Variants in METTL15 observed in about 807,000 individuals in gnomAD.
METTL15 encodes methyltransferase 15, mitochondrial 12S rRNA N4-cytidine.
In METTL15, 34 loss-of-function variants were observed where a neutral mutation model predicts 38.3. The ratio of observed to expected loss-of-function variants is 0.89; its 90% CI spans 0.68 to 1.18. The LOEUF is 1.18. METTL15 is among the 50% of genes most tolerant of loss of function. METTL15 has a pLI of 0.00. For synonymous variants in METTL15, 162 were observed against 170.9 expected, an observed-to-expected ratio of 0.95 and a Z score of 0.41; for missense variants, 438 against 498.4, an observed-to-expected ratio of 0.88 and a Z score of 1.15.
intron 4 of METTL15, among the ~76,000 whole-genome samples, chr11:28,222,510 CG>C (rs1565180653): frequency 9.9e-5 from 15 of 152,190 alleles, no homozygotes; most frequent in Admixed American, 2.0e-4. Flanking sequence ...TGGGGTGAGG[CG>C]ATGCCTCGCC....
intron 6 of METTL15, among the ~76,000 whole-genome samples, chr11:28,446,418 A>C (rs1408587448): frequency 6.6e-6 from 1 of 152,116 alleles, no homozygotes; most frequent in African/African-American, 2.4e-5. Flanking sequence ...CAAGGAGCAG[A>C]TCTTACAAGT....
At chr11:28,191,679 C>T (rs985582477) in intron 3 of METTL15, among the ~76,000 whole-genome samples, 2 of 151,324 alleles carry the variant, frequency 1.3e-5, no homozygotes, top group Non-Finnish European at 3.0e-5. Flanking sequence ...GTTCTTTTGG[C>T]ACGGAAATAT....
intron 6 of METTL15, among the ~76,000 whole-genome samples, chr11:28,457,538 T>C (rs886485028): frequency 6.6e-6 from 1 of 152,154 alleles, no homozygotes; most frequent in Non-Finnish European, 1.5e-5. Flanking sequence ...CTGCCCCCTT[T>C]TAAGTGAGGA....
intron 3 of METTL15, among the ~76,000 whole-genome samples, chr11:28,133,070 A>G (rs1849390297): frequency 6.6e-6 from 1 of 152,222 alleles, no homozygotes; most frequent in South Asian, 2.1e-4. Flanking sequence ...TGTCATAAAG[A>G]ACAATATCCT....
chr11:28,392,329 C>A (rs1303340285), intron 5 of METTL15, among the ~76,000 whole-genome samples: 1 of 151,934 alleles, frequency 6.6e-6, no homozygotes, highest in Admixed American at 6.6e-5. Context: ...CTCCTGATTT[C>A]AAAACAAGTT....
At chr11:28,253,130 C>A (rs1458047243) in intron 4 of METTL15, among the ~76,000 whole-genome samples, 1 of 152,098 alleles carries the variant, frequency 6.6e-6, no homozygotes, top group Non-Finnish European at 1.5e-5. Flanking sequence ...TTTATATCCC[C>A]AGCCCTAACC....
chr11:28,378,987 G>A (rs1850353186), intron 5 of METTL15, among the ~76,000 whole-genome samples: 1 of 151,504 alleles, frequency 6.6e-6, no homozygotes, highest in Admixed American at 6.6e-5. Context: ...ATTTTTCCTA[G>A]GTTTTCTAAT....
At chr11:28,264,840 C>T (rs998068314) in intron 4 of METTL15, among the ~76,000 whole-genome samples, 1 of 152,018 alleles carries the variant, frequency 6.6e-6, no homozygotes, top group Non-Finnish European at 1.5e-5. Context: ...GTTACTTTGG[C>T]CATATGATCA....
chr11:28,120,565 T>C (rs975525015), intron 3 of METTL15, among the ~76,000 whole-genome samples: 1 of 152,172 alleles, frequency 6.6e-6, no homozygotes, highest in Non-Finnish European at 1.5e-5. Context: ...TTTTAGTATT[T>C]GCAAATTTCC....
At chr11:28,431,751 G>A (rs1476009984) in intron 6 of METTL15, among the ~76,000 whole-genome samples, 33 of 82,352 alleles carry the variant, frequency 4.0e-4, no homozygotes, top group Non-Finnish European at 7.2e-4. Context: ...ATCCCCCTCT[G>A]TGAGAAACAC....
At chr11:28,377,295 A>T (rs1430801284) in intron 5 of METTL15, among the ~76,000 whole-genome samples, 3 of 151,662 alleles carry the variant, frequency 2.0e-5, no homozygotes, top group Admixed American at 2.0e-4. Flanking sequence ...TTTCAGGTAC[A>T]CCAATCAGAC....
intron 6 of METTL15, among the ~76,000 whole-genome samples, chr11:28,512,760 C>T (rs537492561): frequency 1.1e-4 from 17 of 152,232 alleles, no homozygotes; most frequent in Admixed American, 7.8e-4. Flanking sequence ...CAGCCTTGGC[C>T]AGCCCAGAAA....
intron 4 of METTL15, among the ~76,000 whole-genome samples, chr11:28,266,856 G>A (rs1231280707): frequency 6.6e-6 from 1 of 152,146 alleles, no homozygotes; most frequent in Non-Finnish European, 1.5e-5. Context: ...AGTGGTAACT[G>A]TTTTACAAAG....
chr11:28,167,661 A>G (rs1850702903), intron 3 of METTL15, among the ~76,000 whole-genome samples: 1 of 151,876 alleles, frequency 6.6e-6, no homozygotes, highest in African/African-American at 2.4e-5. Context: ...GATGAGATGG[A>G]GTAGCATTTC....
chr11:28,230,105 G>A (rs1460089574), intron 4 of METTL15, among the ~76,000 whole-genome samples: 2 of 151,858 alleles, frequency 1.3e-5, no homozygotes, highest in Non-Finnish European at 2.9e-5. Context: ...AAAATCTTGA[G>A]TCACCTTCAT....
chr11:28,220,006 G>A (rs1048077911), intron 4 of METTL15, among the ~76,000 whole-genome samples: 20 of 152,174 alleles, frequency 1.3e-4, no homozygotes, highest in African/African-American at 4.8e-4. Context: ...TGGAATAAGT[G>A]CGATGTGGTG....
intron 4 of METTL15, among the ~76,000 whole-genome samples, chr11:28,218,028 C>G (rs1446558780): frequency 6.6e-6 from 1 of 152,076 alleles, no homozygotes; most frequent in East Asian, 1.9e-4. Context: ...CTTAGCGTGA[C>G]TTGGCGATGT....
At chr11:28,387,454 TA>T (rs1478517751) in intron 5 of METTL15, among the ~76,000 whole-genome samples, 1 of 151,826 alleles carries the variant, frequency 6.6e-6, no homozygotes, top group African/African-American at 2.4e-5. Context: ...AAGAAATGGA[TA>T]TATTTACAGA....
intron 4 of METTL15, among the ~76,000 whole-genome samples, chr11:28,219,693 C>T (rs1244091578): frequency 6.6e-6 from 1 of 151,958 alleles, no homozygotes. Flanking sequence ...CTCTTGTGGG[C>T]ATTTAGTGCT....
Sources: gnomAD v4.1 joint callset for allele counts (sites outside exome capture counted in the v4.1 genomes callset) on GRCh38, gnomAD v4.1.1 for gene constraint, MANE v1.5 for transcripts, NCBI Gene and HGNC (gene_info 2026-07-23, HGNC 2026-07-21) for gene names.